C1QTNF2: variants seen among roughly 807,000 people sequenced by gnomAD.
C1QTNF2 encodes C1q and TNF related 2.
Under a neutral mutation model 17.4 loss-of-function variants are expected in C1QTNF2, and 15 were observed. The ratio of observed to expected loss-of-function variants is 0.86; its 90% CI spans 0.58 to 1.33. C1QTNF2 has a LOEUF of 1.33. C1QTNF2 is among the 40% of genes most tolerant of loss of function. C1QTNF2 has a pLI of 0.00. For synonymous variants in C1QTNF2, 154 were observed against 163.3 expected (o/e 0.94, Z 0.44); for missense variants, 381 against 392.3 (o/e 0.97, Z 0.24).
In C1QTNF2 at chr5:160,353,788, C is replaced by CTTT. The variant is rs200777932; in HGVS notation, c.244+977_244+979dup. Among the ~76,000 whole-genome samples, 179 of 85,936 alleles carry CTTT rather than the reference C, an allele frequency of 2.1e-3. 12 individuals are homozygous for CTTT. The highest frequency in any genetic ancestry group is 6.5e-3 in the South Asian group (16 of 2,458). The allele number at this position is 85,936 out of a possible 152,430, so 56.4% of individuals were successfully genotyped here. On this transcript the variant is annotated intron_variant, in intron 2 of 2. Coordinates refer to ENST00000652664, the MANE Select transcript of C1QTNF2 (RefSeq NM_031908.6). ...GAGCTTGGCTCTTGGACTTCTCAGGCTTTTTTTTTTTTTTTTTTTTTTTTT... is the reference window on the plus strand; with the variant it reads ...GAGCTTGGCTCTTGGACTTCTCAGGCTTTTTTTTTTTTTTTTTTTTTTTTTTTT...
At chr5:160,368,286 C>A (rs765869171) in intron 1 of C1QTNF2, among the ~76,000 whole-genome samples, 4 of 152,142 alleles carry the variant, frequency 2.6e-5, no homozygotes, top group Non-Finnish European at 4.4e-5. Flanking sequence ...GTAATCCCAG[C>A]GCTTTGGGAG....
At chr5:160,369,434 G>T (rs577490836) in intron 1 of C1QTNF2, among the ~76,000 whole-genome samples, 1 of 152,104 alleles carries the variant, frequency 6.6e-6, no homozygotes, top group Non-Finnish European at 1.5e-5. Context: ...TTTGAGGATC[G>T]GGCAGTTGAA....
In C1QTNF2 at chr5:160,354,849, C is replaced by T; in HGVS notation, c.163G>A (p.Gly55Arg). 1 of 1,612,112 alleles carries T rather than the reference C, an allele frequency of 6.2e-7. No homozygotes were observed. Among genetic ancestry groups the T allele is most frequent in the African/African-American group, 1.3e-5 (1 of 74,972 alleles). The change falls in exon 2 of 3, where the codon GGA becomes AGA. Residue 55 changes from glycine to arginine, a missense_variant. Physicochemically the swap from Gly to Arg is moderately radical, Grantham distance 125 (BLOSUM62 -2). Transcript: ENST00000652664. ...PGPPGAPGPS[G>R]MMGRMGFPGK... The stretch of plus-strand genomic sequence containing the variant: ...GGAAAGCCCATTCGTCCCATCATTC[C>T]TGAGGGCCCTGGGGCTCCTGGGGGG...
intron 1 of C1QTNF2, among the ~76,000 whole-genome samples, chr5:160,367,258 C>A (rs961393755): frequency 6.6e-6 from 1 of 152,092 alleles, no homozygotes; most frequent in Non-Finnish European, 1.5e-5. Context: ...TTAACATCGA[C>A]GTTTGCAGCT....
intron 1 of C1QTNF2, among the ~76,000 whole-genome samples, chr5:160,366,274 G>A (rs1764246296): frequency 6.6e-6 from 1 of 152,196 alleles, no homozygotes; most frequent in African/African-American, 2.4e-5. Flanking sequence ...CTTTAGGAAT[G>A]CCTCCCTTGA....
At chr5:160,367,943 T>C (rs1746793380) in intron 1 of C1QTNF2, among the ~76,000 whole-genome samples, 1 of 152,256 alleles carries the variant, frequency 6.6e-6, no homozygotes, top group Non-Finnish European at 1.5e-5. Context: ...CCCACACTTC[T>C]AAGAGGCTGA....
At chr5:160,355,268 T>A in intron 1 of C1QTNF2, 1 of 984,914 alleles carries the variant, frequency 1.0e-6, no homozygotes, top group South Asian at 4.7e-5. Flanking sequence ...GAGGCATTCA[T>A]CATCAGACCA....
intron 1 of C1QTNF2, among the ~76,000 whole-genome samples, chr5:160,359,706 G>C (rs1764116943): frequency 6.6e-6 from 1 of 152,206 alleles, no homozygotes; most frequent in African/African-American, 2.4e-5. Flanking sequence ...AGGCGTGGAG[G>C]GGACAGCCTC....
intron 2 of C1QTNF2, among the ~76,000 whole-genome samples, 171 bp downstream of exon 2, chr5:160,354,597 A>ATATATATATATATATATAT (rs769774870): frequency 2.2e-5 from 2 of 89,306 alleles, no homozygotes; most frequent in African/African-American, 9.7e-5. Flanking sequence ...AAAAAAAAAA[A>ATATATATATATATATATAT]GTATATATAT....
Position 160,349,243 on chromosome 5 carries a change from A to T in C1QTNF2, c.783T>A (p.Tyr261Ter). 2 of 1,614,168 alleles carry T rather than the reference A, an allele frequency of 1.2e-6. No individual in the cohort carries two copies. The highest frequency in any genetic ancestry group is 1.7e-6 in the Non-Finnish European group (2 of 1,180,034). Residue 261 changes from tyrosine (Y) to a stop codon, truncating the protein, a stop_gained, in exon 3 of 3, where the codon TAT becomes TAA. Coordinates refer to ENST00000652664, the MANE Select transcript of C1QTNF2 (RefSeq NM_031908.6). LOFTEE classifies it high-confidence loss of function. This position sits in a 1 kb window ranked among gnomAD's most constrained non-coding sequence, Gnocchi z 4.3. ...IFYSEQNGLF[Y>*]DPYWTDSLFT... ...AGAGGCTGTCTGTCCAGTAAGGGTC[A>T]TAGAAGAGCCCGTTCTGCTCTGAGT...
intron 1 of C1QTNF2, among the ~76,000 whole-genome samples, chr5:160,357,562 C>A (rs1017391870): frequency 6.6e-6 from 1 of 152,116 alleles, no homozygotes; most frequent in African/African-American, 2.4e-5. Flanking sequence ...AACTGGTTGG[C>A]CTTATTTGTG....
At chr5:160,353,018 T>C (rs1287540143) in intron 2 of C1QTNF2, among the ~76,000 whole-genome samples, 1 of 152,136 alleles carries the variant, frequency 6.6e-6, no homozygotes, top group Non-Finnish European at 1.5e-5. Context: ...GAGGAAACCA[T>C]GGTTTGGAGA....
intron 1 of C1QTNF2, among the ~76,000 whole-genome samples, chr5:160,369,453 T>C (rs1283751994): frequency 6.6e-6 from 1 of 151,928 alleles, no homozygotes; most frequent in African/African-American, 2.4e-5. Flanking sequence ...AAAGCAGGAG[T>C]AATTGATATA....
intron 2 of C1QTNF2, among the ~76,000 whole-genome samples, chr5:160,350,263 A>G (rs1228559415): frequency 6.6e-6 from 1 of 152,224 alleles, no homozygotes. Flanking sequence ...TGCCCATCCA[A>G]AGGCAAATGA....
At chr5:160,358,989 C>T (rs188170452) in intron 1 of C1QTNF2, among the ~76,000 whole-genome samples, 24 of 152,154 alleles carry the variant, frequency 1.6e-4, no homozygotes, top group Non-Finnish European at 2.4e-4. Context: ...CCATGTCATC[C>T]GCTGGTCTCA....
intron 2 of C1QTNF2, among the ~76,000 whole-genome samples, chr5:160,351,488 T>G (rs1434972655): frequency 6.6e-6 from 1 of 152,260 alleles, no homozygotes; most frequent in Non-Finnish European, 1.5e-5. Context: ...TGCATCTGAA[T>G]TTTTCCTATT....
chr5:160,360,499 G>A (rs1764134018), intron 1 of C1QTNF2, among the ~76,000 whole-genome samples: 1 of 152,152 alleles, frequency 6.6e-6, no homozygotes, highest in Non-Finnish European at 1.5e-5. Context: ...ACCCCTTACA[G>A]TATAGGGGCT....
At chr5:160,362,933 C>T (rs1389199588) in intron 1 of C1QTNF2, among the ~76,000 whole-genome samples, 2 of 152,144 alleles carry the variant, frequency 1.3e-5, no homozygotes, top group Non-Finnish European at 2.9e-5. Context: ...GAAAACAAAA[C>T]GTGATACAAA....
intron 2 of C1QTNF2, among the ~76,000 whole-genome samples, 173 bp downstream of exon 2, chr5:160,354,595 A>ATATATATATAT (rs1393405391): frequency 5.5e-4 from 18 of 32,730 alleles, no homozygotes; most frequent in East Asian, 5.2e-3. Flanking sequence ...AAAAAAAAAA[A>ATATATATATAT]AAGTATATAT....
Sources: gnomAD v4.1 joint callset for allele counts (sites outside exome capture counted in the v4.1 genomes callset) on GRCh38, gnomAD v4.1.1 for gene constraint, Gnocchi (gnomAD v3.1) non-coding constraint, MANE v1.5 for transcripts, NCBI Gene and HGNC (gene_info 2026-07-23, HGNC 2026-07-21) for gene names.